NIBAN1: variants seen among roughly 807,000 people sequenced by gnomAD.
NIBAN1 encodes niban apoptosis regulator 1.
In NIBAN1, 81 loss-of-function variants were observed where a neutral mutation model predicts 75.1. The observed-to-expected ratio is 1.08, with a 90% confidence interval of 0.90 to 1.30. NIBAN1 has a LOEUF of 1.30. Ranked by LOEUF, NIBAN1 falls within the 50% of genes most tolerant of loss-of-function variation. NIBAN1 has a pLI of 0.00. For missense variants in NIBAN1, 1,133 were observed against 1,128.1 expected, an observed-to-expected ratio of 1.00 and a Z score of -0.06; for synonymous variants, 436 against 424.8, an observed-to-expected ratio of 1.03 and a Z score of -0.32.
intron 1 of NIBAN1, among the ~76,000 whole-genome samples, chr1:184,933,262 A>G (rs749690890): frequency 1.3e-5 from 2 of 152,226 alleles, no homozygotes; most frequent in Non-Finnish European, 2.9e-5. Context: ...CCATCCTTTA[A>G]GGTCCATTCA....
intron 1 of NIBAN1, among the ~76,000 whole-genome samples, chr1:184,912,148 A>T (rs962865498): frequency 1.3e-5 from 2 of 152,102 alleles, no homozygotes; most frequent in Admixed American, 1.3e-4. Context: ...TATATAGCTC[A>T]TATATGTATG....
At chr1:184,908,214 T>G (rs1036573056) in intron 1 of NIBAN1, among the ~76,000 whole-genome samples, 1 of 152,220 alleles carries the variant, frequency 6.6e-6, no homozygotes, top group Non-Finnish European at 1.5e-5. Context: ...ATCTCTAATA[T>G]GGCCACAAAG....
intron 12 of NIBAN1, among the ~76,000 whole-genome samples, chr1:184,800,331 T>C (rs1381943927): frequency 7.9e-5 from 11 of 139,558 alleles, no homozygotes; most frequent in African/African-American, 1.1e-4. Flanking sequence ...TTCACTCTGA[T>C]GGTAGTTTCT....
At chr1:184,838,933 T>C (rs951608133) in intron 5 of NIBAN1, among the ~76,000 whole-genome samples, 3 of 152,258 alleles carry the variant, frequency 2.0e-5, no homozygotes, top group Admixed American at 2.0e-4. Context: ...CTCATCTCAC[T>C]GAGTTACACT....
chr1:184,815,333 C>T (rs571461692), intron 9 of NIBAN1, among the ~76,000 whole-genome samples: 11 of 152,300 alleles, frequency 7.2e-5, no homozygotes, highest in Admixed American at 4.6e-4. Context: ...CAGAGAAAGA[C>T]TGTCATTGCC....
chr1:184,793,811 G>A lies in NIBAN1; in HGVS notation c.*1166C>T, dbSNP rs1220689176. 2.0e-5 allele frequency: 3 copies of A among 152,150 alleles called. No individual in the cohort carries two copies. The highest frequency in any genetic ancestry group is 2.9e-5 in the Non-Finnish European group (2 of 68,018). The allele number at this position is 152,150 out of a possible 1,614,324, so 9.4% of individuals were successfully genotyped here. ...AAGGAACAAAGTTGTTTTTCGCCAT[G>A]GTATCCCCAGTGCTTGGTATATAAC... On this transcript the variant is annotated 3_prime_UTR_variant, in exon 14 of 14. Coordinates refer to ENST00000367511, the MANE Select transcript of NIBAN1 (RefSeq NM_052966.4).
intron 3 of NIBAN1, 61 bp downstream of exon 3, chr1:184,894,014 T>A: frequency 2.0e-6 from 3 of 1,509,904 alleles, no homozygotes; most frequent in African/African-American, 1.4e-5. Context: ...GGCACACCAA[T>A]CAACCGAGCC....
intron 1 of NIBAN1, among the ~76,000 whole-genome samples, chr1:184,928,741 C>T (rs139019101): frequency 1.7e-4 from 26 of 152,310 alleles, no homozygotes; most frequent in Non-Finnish European, 3.2e-4. Context: ...GACTGCCTCT[C>T]CCACCCTCTT....
chr1:184,824,161 G>A (rs929270958), intron 6 of NIBAN1, among the ~76,000 whole-genome samples: 3 of 152,152 alleles, frequency 2.0e-5, no homozygotes, highest in African/African-American at 4.8e-5. Context: ...TGTCCCCTGG[G>A]ACTATCATTC....
intron 1 of NIBAN1, among the ~76,000 whole-genome samples, chr1:184,943,041 T>C (rs1439431551): frequency 1.3e-5 from 2 of 152,218 alleles, no homozygotes; most frequent in African/African-American, 2.4e-5. Flanking sequence ...AATTTGTCTA[T>C]AAAAATGATT....
At chr1:184,819,689 G>A (rs2102217250) in intron 8 of NIBAN1, among the ~76,000 whole-genome samples, 1 of 152,300 alleles carries the variant, frequency 6.6e-6, no homozygotes, top group East Asian at 1.9e-4. Flanking sequence ...TAGCCTTGTG[G>A]ATTGAGGCAG....
chr1:184,880,014 T>C (rs234654), intron 5 of NIBAN1, among the ~76,000 whole-genome samples: 15,162 of 152,256 alleles, frequency 0.1, 1,143 homozygotes, highest in African/African-American at 0.2. Context: ...GATAGTCTAC[T>C]GTCCTCTCTT....
intron 1 of NIBAN1, among the ~76,000 whole-genome samples, chr1:184,920,142 G>A (rs1377407795): frequency 2.6e-5 from 4 of 152,232 alleles, no homozygotes; most frequent in Non-Finnish European, 4.4e-5. Flanking sequence ...GTGTAAAAAT[G>A]GAAAATCAAG....
intron 6 of NIBAN1, among the ~76,000 whole-genome samples, chr1:184,831,298 GT>G (rs1214140922): frequency 6.6e-6 from 1 of 152,148 alleles, no homozygotes; most frequent in Non-Finnish European, 1.5e-5. Context: ...TTTTGAATTT[GT>G]TTTTTTCATT....
At chr1:184,899,398 C>T in intron 1 of NIBAN1, 89 bp from the exon 2 acceptor site, 1 of 1,348,570 alleles carries the variant, frequency 7.4e-7, no homozygotes. Context: ...TCCAGTCTCT[C>T]TGTTTCTATC....
Position 184,798,207 on chromosome 1 carries a change from T to A in NIBAN1, c.1555-17A>T, listed in dbSNP as rs762334096. On this transcript the variant is annotated splice_polypyrimidine_tract_variant and intron_variant, in intron 12 of 13. Coordinates refer to ENST00000367511, the MANE Select transcript of NIBAN1 (RefSeq NM_052966.4). The stretch of plus-strand genomic sequence containing the variant: ...CTGAAGCTCCTGGAGAGCAAGAGAT[T>A]AGAAGATAAAGATGAAAAGGCATGA... 3 of 1,534,884 alleles carry A rather than the reference T, an allele frequency of 2.0e-6. No individual in the cohort carries two copies. In the Admixed American group the frequency reaches 5.1e-5, roughly 26 times the overall value.
chr1:184,948,383 C>G lies in NIBAN1; in HGVS notation c.55+25919G>C, dbSNP rs75116669. ...TAGGAAAATGAATAAGATAAAACTT[C>G]TGCTACCAGGAGTCCAGACTAGTTA... On this transcript the variant is annotated intron_variant, in intron 1 of 13. Coordinates refer to ENST00000367511, the MANE Select transcript of NIBAN1 (RefSeq NM_052966.4). 1.9e-3 allele frequency among the ~76,000 whole-genome samples: 293 copies of G among 152,280 alleles called. 6 individuals are homozygous for G. The East Asian group carries it at 0.047, about 24-fold the overall frequency.
rs1654608639 is a variant in NIBAN1 at position 184,818,754 on chromosome 1, C to T, written c.1057G>A (p.Glu353Lys). 1.2e-6 allele frequency: 2 copies of T among 1,612,954 alleles called. No homozygotes were observed. Among genetic ancestry groups the T allele is most frequent in the Non-Finnish European group, 1.7e-6 (2 of 1,179,020 alleles). The change falls in exon 9 of 14, where the codon GAG becomes AAG. Residue 353 changes from glutamate (E) to lysine (K), a missense_variant. Physicochemically the swap from Glu to Lys is moderately conservative, Grantham distance 56. Coordinates refer to ENST00000367511, the MANE Select transcript of NIBAN1 (RefSeq NM_052966.4). Reference protein sequence around the residue: ...VQPFLASILEELMGPVSSGFS... With the variant: ...VQPFLASILEKLMGPVSSGFS... ...CCCGAGCTCACTGGTCCCATGAGCT[C>T]CTCCAGGATGGATGCCAGGAATGGC...
At chr1:184,885,547 C>T (rs868136297) in intron 4 of NIBAN1, among the ~76,000 whole-genome samples, 10 of 152,226 alleles carry the variant, frequency 6.6e-5, no homozygotes, top group African/African-American at 1.9e-4. Context: ...TCCTGCCCCT[C>T]TGCAGGCCAC....
Sources: gnomAD v4.1 joint callset for allele counts (sites outside exome capture counted in the v4.1 genomes callset) on GRCh38, gnomAD v4.1.1 for gene constraint, MANE v1.5 for transcripts, NCBI Gene and HGNC (gene_info 2026-07-23, HGNC 2026-07-21) for gene names.